Variants in PTPRJ observed in about 807,000 individuals in gnomAD.
PTPRJ encodes protein tyrosine phosphatase receptor type J.
In PTPRJ, 129 loss-of-function variants were observed where a neutral mutation model predicts 141.3. The ratio of observed to expected loss-of-function variants is 0.91; its 90% confidence interval spans 0.79 to 1.06. The LOEUF (loss-of-function observed/expected upper bound fraction) is 1.06. Ranked by LOEUF, PTPRJ falls within the 50% of genes least tolerant of loss-of-function variation. The probability of loss-of-function intolerance (pLI) is 0.00; values close to 1 mark genes in which losing one functional copy is unlikely to be tolerated. For missense variants in PTPRJ, 1,601 were observed against 1,679.7 expected (o/e 0.95, Z 0.82); for synonymous variants, 610 against 640.5 (o/e 0.95, Z 0.72).
At chr11:48,085,368 A>T (rs1162480198) in intron 1 of PTPRJ, among the ~76,000 whole-genome samples, 1 of 151,338 alleles carries the variant, frequency 6.6e-6, no homozygotes, top group African/African-American at 2.4e-5. Flanking sequence ...ACGGAGTTTC[A>T]CTGTGTCACC....
At position 48,145,033 on chromosome 11, in the gene PTPRJ, C is replaced by T. The variant is rs772533918; in HGVS notation, c.2820C>T (p.Phe940=). The change falls in exon 14 of 25, where the codon TTC becomes TTT. Residue 940 remains phenylalanine (F), a synonymous_variant. Coordinates refer to ENST00000418331, the MANE Select transcript of PTPRJ (RefSeq NM_002843.4). Reference sequence around the variant, plus strand: ...TGGCTGGCTTCACCAACATTACCTTCCACCCTCAAAACAAGGGGCTCATTG... The same window carrying T: ...TGGCTGGCTTCACCAACATTACCTTTCACCCTCAAAACAAGGGGCTCATTG... ...ACVAGFTNIT[F]HPQNKGLIDG... is the part of the protein sequence containing the mutation. 6.2e-7 allele frequency: 1 copy of T among 1,614,178 alleles called. No individual in the cohort carries two copies. The highest frequency in any genetic ancestry group is 8.5e-7 in the Non-Finnish European group (1 of 1,180,030).
At chr11:48,149,890 C>T in intron 16 of PTPRJ, 100 bp from the exon 17 acceptor site, 2 of 906,570 alleles carry the variant, frequency 2.2e-6, no homozygotes, top group South Asian at 1.7e-5. Flanking sequence ...CAAATTATAC[C>T]CTGGGTTTTG....
intron 6 of PTPRJ, 112 bp from the exon 7 acceptor site, chr11:48,127,668 A>C: frequency 8.9e-7 from 1 of 1,121,744 alleles, no homozygotes; most frequent in South Asian, 1.4e-5. Context: ...CAGAGGAGGA[A>C]GGAACACTCC....
At chr11:48,053,282 T>A (rs1193087464) in intron 1 of PTPRJ, among the ~76,000 whole-genome samples, 7 of 88,930 alleles carry the variant, frequency 7.9e-5, no homozygotes, top group Admixed American at 1.9e-4. Flanking sequence ...AATATATAAA[T>A]ATATAAAAAT....
intron 1 of PTPRJ, among the ~76,000 whole-genome samples, chr11:48,024,816 C>T (rs78730126): frequency 0.054 from 8,241 of 152,304 alleles, 303 homozygotes; most frequent in Non-Finnish European, 0.084. Flanking sequence ...TTTCCAGCTC[C>T]CCAGGCCTAG....
intron 1 of PTPRJ, among the ~76,000 whole-genome samples, chr11:47,985,671 CATTTATTTATTTATTTATTT>C (rs139376265): frequency 1.2e-4 from 16 of 136,056 alleles, no homozygotes; most frequent in East Asian, 2.2e-4. Flanking sequence ...AGGTGGCAGA[CATTTATTTATTTATTTATTT>C]ATTTATTTAT....
intron 1 of PTPRJ, among the ~76,000 whole-genome samples, chr11:48,097,212 T>C (rs979690277): frequency 9.2e-5 from 14 of 152,004 alleles, no homozygotes; most frequent in African/African-American, 3.4e-4. Flanking sequence ...CTCGTCCTCA[T>C]AGAAGGATAA....
intron 1 of PTPRJ, among the ~76,000 whole-genome samples, chr11:48,006,495 C>T (rs890688352): frequency 6.6e-6 from 1 of 152,156 alleles, no homozygotes; most frequent in African/African-American, 2.4e-5. Context: ...AAAGCTCCCA[C>T]GTGGAGGCCA....
intron 1 of PTPRJ, among the ~76,000 whole-genome samples, chr11:47,983,208 A>G (rs1256921283): frequency 6.6e-6 from 1 of 151,236 alleles, no homozygotes; most frequent in Non-Finnish European, 1.5e-5. Context: ...CCGTGTTTTC[A>G]CTTTGATCTT....
intron 1 of PTPRJ, among the ~76,000 whole-genome samples, chr11:48,071,263 A>G (rs1279339194): frequency 6.6e-6 from 1 of 152,210 alleles, no homozygotes; most frequent in Non-Finnish European, 1.5e-5. Flanking sequence ...GAAAAACATT[A>G]GTAGAGGTGA....
chr11:47,980,823 C>T lies in PTPRJ; in HGVS notation c.-90C>T. The T allele has an allele frequency of 9.5e-7, 1 of 1,051,978 alleles. No individual in the cohort carries two copies. Among genetic ancestry groups the T allele is most frequent in the Non-Finnish European group, 1.1e-6 (1 of 875,538 alleles). 65.2% of individuals were successfully genotyped at this position (1,051,978 alleles called of 1,614,324 possible). ...CTGGCGGAGGAGGAGGCGAAGGAGA[C>T]GGCAGGAGGCGGCGACGACGGTGCC... On this transcript the variant is annotated 5_prime_UTR_variant, in exon 1 of 25. In the 5' UTR this introduces an upstream ATG that the reference lacks. Coordinates refer to ENST00000418331, the MANE Select transcript of PTPRJ (RefSeq NM_002843.4).
chr11:48,025,335 T>A (rs2134217265), intron 1 of PTPRJ, among the ~76,000 whole-genome samples: 1 of 152,300 alleles, frequency 6.6e-6, no homozygotes, highest in East Asian at 1.9e-4. Context: ...GATGTGAAAG[T>A]ACAGCCCCAG....
intron 1 of PTPRJ, among the ~76,000 whole-genome samples, chr11:48,053,963 A>G (rs1213910824): frequency 9.7e-6 from 1 of 102,984 alleles, no homozygotes; most frequent in East Asian, 2.8e-4. Flanking sequence ...ACGAAGTTTC[A>G]CTCTTGTCGC....
chr11:48,117,540 C>CA lies in PTPRJ; in HGVS notation c.353-3428dup, dbSNP rs71045545. Among the ~76,000 whole-genome samples the CA allele has an allele frequency of 4.0e-3, 78 of 19,696 alleles. 27 individuals carry two copies. The highest frequency in any genetic ancestry group is 0.013 in the East Asian group (6 of 476). The allele number at this position is 19,696 out of a possible 152,430, so 12.9% of individuals were successfully genotyped here. A position where few individuals can be genotyped will look rare whatever the true frequency, so the allele number is the denominator to read the frequency against. On this transcript the variant is annotated intron_variant, in intron 3 of 24. Coordinates refer to ENST00000418331, the MANE Select transcript of PTPRJ (RefSeq NM_002843.4). Reference sequence around the variant, plus strand: ...TGGGCAACAGAGCAAGATTCTGTCTCAAAAAAAAAAAAAAAAAAAAAAAAA... The same window carrying CA: ...TGGGCAACAGAGCAAGATTCTGTCTCAAAAAAAAAAAAAAAAAAAAAAAAAA...
chr11:48,037,293 C>G (rs1854150818), intron 1 of PTPRJ, among the ~76,000 whole-genome samples: 1 of 152,140 alleles, frequency 6.6e-6, no homozygotes, highest in Non-Finnish European at 1.5e-5. Context: ...TGTATTCTCT[C>G]AGAACCAGGA....
intron 8 of PTPRJ, among the ~76,000 whole-genome samples, chr11:48,131,066 ATATATTTTT>A (rs1184781695): frequency 1.8e-5 from 2 of 108,658 alleles, no homozygotes; most frequent in African/African-American, 7.2e-5. Flanking sequence ...ATATATATAT[ATATATTTTT>A]TTTTTTTTTT....
chr11:48,025,505 T>TA (rs1853783494), intron 1 of PTPRJ, among the ~76,000 whole-genome samples: 1 of 152,152 alleles, frequency 6.6e-6, no homozygotes, highest in African/African-American at 2.4e-5. Context: ...AGGTGGGTGT[T>TA]AGTCACCATC....
chr11:48,027,493 A>G lies in PTPRJ; in HGVS notation c.96+46485A>G, dbSNP rs75641718. Among the ~76,000 whole-genome samples the G allele has an allele frequency of 1.5e-4, 23 of 151,976 alleles. No individual in the cohort carries two copies. In the East Asian group the frequency reaches 4.5e-3, roughly 30 times the overall value. On this transcript the variant is annotated intron_variant, in intron 1 of 24. Coordinates refer to ENST00000418331, the MANE Select transcript of PTPRJ (RefSeq NM_002843.4). ...AATCCCCTCCCTGTTCCCCAACACA[A>G]TAAAACTTCAGTGTCGTCTGGGTGC...
chr11:48,025,909 G>A (rs560310393), intron 1 of PTPRJ, among the ~76,000 whole-genome samples: 195 of 152,222 alleles, frequency 1.3e-3, no homozygotes, highest in African/African-American at 4.4e-3. Flanking sequence ...TTCCCTCTCT[G>A]ATTTGCTCAT....
Sources: gnomAD v4.1 joint callset for allele counts (sites outside exome capture counted in the v4.1 genomes callset) on GRCh38, gnomAD v4.1.1 for gene constraint, MANE v1.5 for transcripts, NCBI Gene and HGNC (gene_info 2026-07-23, HGNC 2026-07-21) for gene names.